TEAD1: variants seen among roughly 807,000 people sequenced by gnomAD.
TEAD1 encodes the protein transcriptional enhancer factor TEF-1.
Under a neutral mutation model 54.9 loss-of-function variants are expected in TEAD1, and 9 were observed. The observed-to-expected ratio is 0.16, with a 90% CI of 0.10 to 0.29. The LOEUF (loss-of-function observed/expected upper bound fraction) is 0.29. TEAD1 is among the 10% of genes least tolerant of loss of function. TEAD1 has a pLI of 1.00. For synonymous variants in TEAD1, 200 were observed against 187.8 expected (o/e 1.07, Z -0.53); for missense variants, 387 against 535.9 (o/e 0.72, Z 2.74).
chr11:12,751,068 C>T (rs576260366), intron 2 of TEAD1, among the ~76,000 whole-genome samples: 133 of 152,136 alleles, frequency 8.7e-4, no homozygotes, highest in African/African-American at 3.1e-3. Flanking sequence ...CCCAGCACTT[C>T]GGGAAGCTGA....
Position 12,764,294 on chromosome 11 carries a change from A to G in TEAD1, c.62A>G (p.Asp21Gly). 6.2e-7 allele frequency: 1 copy of G among 1,614,222 alleles called. No individual in the cohort carries two copies. The highest frequency in any genetic ancestry group is 8.5e-7 in the Non-Finnish European group (1 of 1,180,020). Reference sequence around the variant, plus strand: ...GCCGAAAACATGGAAAGGATGAGTGACTCTGCAGATAAGCCAATTGACAAT... The same window carrying G: ...GCCGAAAACATGGAAAGGATGAGTGGCTCTGCAGATAAGCCAATTGACAAT... The change falls in exon 3 of 13, where the codon GAC becomes GGC. Residue 21 changes from aspartate to glycine, a missense_variant. This residue lies in a region of TEAD1 where 55 missense variants were observed against 50.4 expected (regional missense o/e 1.09). Coordinates refer to ENST00000527636, the MANE Select transcript of TEAD1 (RefSeq NM_021961.6).
At position 12,860,829 on chromosome 11, in the gene TEAD1, T is replaced by C. The variant is rs7119811; in HGVS notation, c.203-1421T>C. Among the ~76,000 whole-genome samples, 149 of 152,140 alleles carry C rather than the reference T, an allele frequency of 9.8e-4. 1 individual carries two copies. The highest frequency in any genetic ancestry group is 2.8e-3 in the African/African-American group (118 of 41,500). On this transcript the variant is annotated intron_variant, in intron 3 of 12. Transcript: ENST00000527636. ...TACATCCTAGGAAGAAGTACAGTTTTTGCCACCATGGGGGTGTAGAACAAG... is the reference window on the plus strand; with the variant it reads ...TACATCCTAGGAAGAAGTACAGTTTCTGCCACCATGGGGGTGTAGAACAAG...
intron 3 of TEAD1, among the ~76,000 whole-genome samples, chr11:12,771,268 TG>T (rs1198211337): frequency 2.6e-5 from 4 of 152,148 alleles, no homozygotes; most frequent in Non-Finnish European, 5.9e-5. Context: ...GCACTCATCC[TG>T]GGGGCAGACG....
rs751443703 is a variant in TEAD1 at position 12,879,675 on chromosome 11, G to GTA, written c.331-31_331-30dup. ...AACCTGCCTGGTAGCCATGCGTTATGTATTAAGTTGGTGTGTCACTGTCAC... is the reference window on the plus strand; with the variant it reads ...AACCTGCCTGGTAGCCATGCGTTATGTATATTAAGTTGGTGTGTCACTGTCAC... On this transcript the variant is annotated intron_variant, in intron 5 of 12. Transcript: ENST00000527636. The GTA allele has an allele frequency of 3.1e-6, 5 of 1,614,098 alleles. No homozygotes were observed. In the Admixed American group the frequency reaches 8.3e-5, roughly 27 times the overall value.
chr11:12,932,739 T>C (rs1331988382), intron 12 of TEAD1, among the ~76,000 whole-genome samples: 3 of 152,180 alleles, frequency 2.0e-5, no homozygotes, highest in Admixed American at 2.0e-4. Flanking sequence ...AGCCTAAGTG[T>C]ACAGTACAAA....
intron 3 of TEAD1, among the ~76,000 whole-genome samples, chr11:12,841,437 A>G (rs931550237): frequency 6.6e-6 from 1 of 152,228 alleles, no homozygotes; most frequent in Non-Finnish European, 1.5e-5. Context: ...AGCATAAAGA[A>G]TAAGTACAGT....
chr11:12,830,626 C>A (rs1010514733), intron 3 of TEAD1, among the ~76,000 whole-genome samples: 1 of 152,048 alleles, frequency 6.6e-6, no homozygotes, highest in Non-Finnish European at 1.5e-5. Flanking sequence ...AAATCTAGAA[C>A]GTGCTCATCC....
rs151138968 is a variant in TEAD1, at chr11:12,706,771, C to T, written c.-55+31210C>T. 2.1e-3 allele frequency among the ~76,000 whole-genome samples: 320 copies of T among 152,288 alleles called. 1 individual carries two copies. The highest frequency in any genetic ancestry group is 6.3e-3 in the African/African-American group (260 of 41,556). On this transcript the variant is annotated intron_variant, in intron 2 of 12. Coordinates refer to ENST00000527636, the MANE Select transcript of TEAD1 (RefSeq NM_021961.6). ...TAGCCCTGATGCACATGTCCTTCTACGGTTCATGAGCGTTCCAAGCTTGAG... is the reference window on the plus strand; with the variant it reads ...TAGCCCTGATGCACATGTCCTTCTATGGTTCATGAGCGTTCCAAGCTTGAG...
In TEAD1 at chr11:12,942,213, A is replaced by G. The variant is rs1211775488; in HGVS notation, c.*4991A>G. On this transcript the variant is annotated 3_prime_UTR_variant, in exon 13 of 13. Coordinates refer to ENST00000527636, the MANE Select transcript of TEAD1 (RefSeq NM_021961.6). ...GCTATTTGTGAATCTTCTGCACTCTAGCATGAAAGTGCCTTTGGTTTGAGA... is the reference window on the plus strand; with the variant it reads ...GCTATTTGTGAATCTTCTGCACTCTGGCATGAAAGTGCCTTTGGTTTGAGA... 6.6e-6 allele frequency: 1 copy of G among 152,660 alleles called. No homozygotes were observed. Among genetic ancestry groups the G allele is most frequent in the Non-Finnish European group, 1.5e-5 (1 of 68,050 alleles). 9.5% of individuals were successfully genotyped at this position (152,660 alleles called of 1,614,324 possible).
At chr11:12,761,072 C>A (rs1945094119) in intron 2 of TEAD1, among the ~76,000 whole-genome samples, 1 of 152,172 alleles carries the variant, frequency 6.6e-6, no homozygotes, top group South Asian at 2.1e-4. Flanking sequence ...TCTGGATACA[C>A]AGGGTCTTTT....
intron 3 of TEAD1, among the ~76,000 whole-genome samples, chr11:12,831,146 A>G (rs1303657789): frequency 4.0e-5 from 6 of 151,792 alleles, no homozygotes; most frequent in Admixed American, 3.9e-4. Context: ...TTCCCATTTC[A>G]CCACTCCATG....
chr11:12,780,368 C>G (rs958437038), intron 3 of TEAD1, among the ~76,000 whole-genome samples: 14 of 151,964 alleles, frequency 9.2e-5, no homozygotes, highest in African/African-American at 2.9e-4. Context: ...CTCAGCCTCC[C>G]GAGTAACTGG....
chr11:12,932,417 G>T (rs976755726), intron 12 of TEAD1, among the ~76,000 whole-genome samples: 1 of 152,042 alleles, frequency 6.6e-6, no homozygotes, highest in Non-Finnish European at 1.5e-5. Context: ...CCTCTCTTGG[G>T]GGGGAGTCTT....
intron 2 of TEAD1, among the ~76,000 whole-genome samples, chr11:12,743,780 A>C (rs1416679782): frequency 6.6e-6 from 1 of 152,208 alleles, no homozygotes; most frequent in Admixed American, 6.5e-5. Flanking sequence ...TATTGAAAAT[A>C]TTTAACAGCC....
intron 5 of TEAD1, among the ~76,000 whole-genome samples, chr11:12,866,086 T>C (rs1947608854): frequency 6.6e-6 from 1 of 152,314 alleles, no homozygotes; most frequent in East Asian, 1.9e-4. Flanking sequence ...GCATGCTGGC[T>C]CGCTCGCACG....
At chr11:12,867,202 A>C (rs1947636414) in intron 5 of TEAD1, among the ~76,000 whole-genome samples, 1 of 152,166 alleles carries the variant, frequency 6.6e-6, no homozygotes, top group Non-Finnish European at 1.5e-5. Flanking sequence ...ATTGTTTTAG[A>C]TAAAATTTTA....
chr11:12,689,733 A>G (rs6486008), intron 2 of TEAD1, among the ~76,000 whole-genome samples: 3,669 of 152,112 alleles, frequency 0.024, 148 homozygotes, highest in African/African-American at 0.083. Context: ...GTAGAGGGCA[A>G]TTGAACCCCT....
At chr11:12,767,495 T>C (rs59396542) in intron 3 of TEAD1, among the ~76,000 whole-genome samples, 15,096 of 152,260 alleles carry the variant, frequency 0.099, 2,492 homozygotes, top group African/African-American at 0.34. Context: ...TCACTAATCC[T>C]GAGCCATTGG....
rs553605283 is a variant in TEAD1, at chr11:12,942,516, G to A, written c.*5294G>A. On this transcript the variant is annotated 3_prime_UTR_variant, in exon 13 of 13. Transcript: ENST00000527636. ...ATTTCACCTCGTCACCCAGCCCTGC[G>A]TCCGGATGAGGGGACTTCTGCACAA... is the stretch of plus-strand genomic sequence containing the variant. The A allele has an allele frequency of 4.6e-5, 7 of 152,276 alleles. No individual in the cohort carries two copies. The highest frequency in any genetic ancestry group is 1.9e-4 in the East Asian group (1 of 5,184). 9.4% of individuals were successfully genotyped at this position (152,276 alleles called of 1,614,324 possible). A position where few individuals can be genotyped will look rare whatever the true frequency, so the allele number is the denominator to read the frequency against.
Sources: gnomAD v4.1 joint callset for allele counts (sites outside exome capture counted in the v4.1 genomes callset) on GRCh38, gnomAD v4.1.1 for gene constraint, gnomAD v4.1.1 regional missense constraint, MANE v1.5 for transcripts, NCBI Gene and HGNC (gene_info 2026-07-23, HGNC 2026-07-21) for gene names.